Variants in BCL2L14 observed in about 807,000 individuals in gnomAD.
BCL2L14 encodes BCL2 like 14.
In BCL2L14, 27 loss-of-function variants were observed where a neutral mutation model predicts 35.3. That is an observed-to-expected ratio of 0.76 (90% CI 0.56 to 1.05). BCL2L14 has a LOEUF of 1.05. BCL2L14 is among the 50% of genes least tolerant of loss of function. The pLI, the probability that BCL2L14 is intolerant of heterozygous loss-of-function variation, is 0.00. For synonymous variants in BCL2L14, 139 were observed against 145.9 expected, an observed-to-expected ratio of 0.95 and a Z score of 0.34; for missense variants, 377 against 382.6, an observed-to-expected ratio of 0.99 and a Z score of 0.12.
intron 5 of BCL2L14, chr12:12,096,328 C>G: frequency 4.1e-6 from 1 of 244,200 alleles, no homozygotes; most frequent in Non-Finnish European, 6.5e-6. Context: ...CATAAATATG[C>G]TATTAAAAAG....
Position 12,087,124 on chromosome 12 carries a change from T to G in BCL2L14, c.434-89T>G. ...CAGGCAGTTTCCTTCTATTCTGGCC[T>G]GGTCTTTTCATTCCAGGCAACTTTG... is the stretch of plus-strand genomic sequence containing the variant. On this transcript the variant is annotated intron_variant, in intron 2 of 5. Transcript: ENST00000308721. 3 of 1,399,690 alleles carry G rather than the reference T, an allele frequency of 2.1e-6. No individual in the cohort carries two copies. In the Admixed American group the frequency reaches 5.7e-5, roughly 26 times the overall value. The allele number at this position is 1,399,690 out of a possible 1,614,324, so 86.7% of individuals were successfully genotyped here. A position where few individuals can be genotyped will look rare whatever the true frequency, so the allele number is the denominator to read the frequency against.
chr12:12,098,135 G>A (rs1272386495), intron 5 of BCL2L14, among the ~76,000 whole-genome samples: 1 of 152,128 alleles, frequency 6.6e-6, no homozygotes, highest in African/African-American at 2.4e-5. Flanking sequence ...GGATTGGGGC[G>A]TGTGCTCAGA....
At chr12:12,073,807 G>C (rs530306656) in intron 1 of BCL2L14, among the ~76,000 whole-genome samples, 1 of 152,258 alleles carries the variant, frequency 6.6e-6, no homozygotes, top group East Asian at 1.9e-4. Flanking sequence ...AGGAAGCCTT[G>C]AATCAAAAGC....
chr12:12,098,977 G>A lies in BCL2L14; in HGVS notation c.973G>A (p.Glu325Lys), dbSNP rs1949374350. 2 of 1,600,382 alleles carry A rather than the reference G, an allele frequency of 1.2e-6. No individual in the cohort carries two copies. The change falls in exon 6 of 6, where the codon GAA (glutamate) becomes AAA (lysine). Residue 325 changes from glutamate (E) to lysine (K), a missense_variant. Physicochemically the swap from Glu to Lys is moderately conservative, Grantham distance 56. Coordinates refer to ENST00000308721, the MANE Select transcript of BCL2L14 (RefSeq NM_138723.2). Reference sequence around the variant, plus strand: ...AAAAATACTTGGGATATCACATGAAGAAGTAGACTGAAATATCAGATTTGT... The same window carrying A: ...AAAAATACTTGGGATATCACATGAAAAAGTAGACTGAAATATCAGATTTGT... ...WEKILGISHE[E>K]VD
upstream of BCL2L14, among the ~76,000 whole-genome samples, chr12:12,067,954 GAC>G (rs1317423478): frequency 6.6e-6 from 1 of 150,992 alleles, no homozygotes; most frequent in Non-Finnish European, 1.5e-5. Flanking sequence ...TTTTTTTTGA[GAC>G]AGGGTCTGGC....
Position 12,087,253 on chromosome 12 carries a change from T to A in BCL2L14, c.474T>A (p.Ala158=). 6.2e-7 allele frequency: 1 copy of A among 1,614,176 alleles called. No individual in the cohort carries two copies. Among genetic ancestry groups the A allele is most frequent in the Non-Finnish European group, 8.5e-7 (1 of 1,180,014 alleles). Reference sequence around the variant, plus strand: ...TCATTTCCATTGCCAACCGAGTAGCTGAAATTGTTTACTCCTGGCCACCAC... The same window carrying A: ...TCATTTCCATTGCCAACCGAGTAGCAGAAATTGTTTACTCCTGGCCACCAC... ...PKVISIANRV[A]EIVYSWPPPQ... is the part of the protein sequence containing the mutation. The change falls in exon 3 of 6, where the codon GCT becomes GCA. Residue 158 remains alanine, a synonymous_variant. Coordinates refer to ENST00000308721, the MANE Select transcript of BCL2L14 (RefSeq NM_138723.2).
chr12:12,096,057 T>G lies in BCL2L14; in HGVS notation c.945+1127T>G, dbSNP rs919669010. 3 of 985,212 alleles carry G rather than the reference T, an allele frequency of 3.0e-6. No individual in the cohort carries two copies. The African/African-American group carries it at 5.2e-5, about 17-fold the overall frequency. 61.0% of individuals were successfully genotyped at this position (985,212 alleles called of 1,614,324 possible). ...GGATTCCTTCACCCCAACAACCCCCTTGAGCCCTCATCTGCCCCAAAGCCT... is the reference window on the plus strand; with the variant it reads ...GGATTCCTTCACCCCAACAACCCCCGTGAGCCCTCATCTGCCCCAAAGCCT... On this transcript the variant is annotated intron_variant, in intron 5 of 5. Transcript: ENST00000308721.
chr12:12,080,008 T>C (rs1048928249), intron 2 of BCL2L14, among the ~76,000 whole-genome samples: 12 of 151,816 alleles, frequency 7.9e-5, no homozygotes, highest in Admixed American at 7.9e-4. Flanking sequence ...ATTGAGACCA[T>C]CCTGGCTAAC....
chr12:12,098,614 A>T (rs998802458), intron 5 of BCL2L14, among the ~76,000 whole-genome samples: 3 of 152,140 alleles, frequency 2.0e-5, no homozygotes, highest in African/African-American at 7.2e-5. Flanking sequence ...AACCTCACCC[A>T]TTCTGTAGCA....
Position 12,094,728 on chromosome 12 carries a change from C to T in BCL2L14, c.743C>T (p.Thr248Ile). 9 of 1,614,200 alleles carry T rather than the reference C, an allele frequency of 5.6e-6. No individual in the cohort carries two copies. Among genetic ancestry groups the T allele is most frequent in the Non-Finnish European group, 7.6e-6 (9 of 1,180,036 alleles). Residue 248 changes from threonine to isoleucine, a missense_variant, in exon 5 of 6, where the codon ACC becomes ATC. Transcript: ENST00000308721. Reference sequence around the variant, plus strand: ...GGGCTGTCCTACTCTGTTTTCAAGACCATCACAGACCAGGTCCTAATGGGT... The same window carrying T: ...GGGCTGTCCTACTCTGTTTTCAAGATCATCACAGACCAGGTCCTAATGGGT... Reference protein sequence around the residue: ...QDGLSYSVFKTITDQVLMGVD... With the variant: ...QDGLSYSVFKIITDQVLMGVD...
At chr12:12,074,767 A>G (rs548514572) in intron 1 of BCL2L14, among the ~76,000 whole-genome samples, 11 of 152,234 alleles carry the variant, frequency 7.2e-5, no homozygotes, top group African/African-American at 2.4e-4. Flanking sequence ...TGGCAATGTT[A>G]CCACATTTAA....
intron 2 of BCL2L14, among the ~76,000 whole-genome samples, chr12:12,081,584 A>T (rs1379793409): frequency 6.9e-6 from 1 of 144,946 alleles, no homozygotes; most frequent in Non-Finnish European, 1.5e-5. Context: ...TTTTAGATGG[A>T]GTCTTGCTCT....
chr12:12,090,775 A>G lies in BCL2L14; in HGVS notation c.608-4A>G. 5 of 1,609,124 alleles carry G rather than the reference A, an allele frequency of 3.1e-6. No individual in the cohort carries two copies. The highest frequency in any genetic ancestry group is 4.2e-6 in the Non-Finnish European group (5 of 1,178,102). On this transcript the variant is annotated splice_polypyrimidine_tract_variant and splice_region_variant and intron_variant, in intron 3 of 5. Transcript: ENST00000308721. ...AAAGAAATAACTGGAATTTTCCCCG[A>G]CAGATGAAGAAGAACAAATACTAGC...
At chr12:12,058,578 C>G (rs892675562) in intron 2 of BCL2L14, among the ~76,000 whole-genome samples, 2 of 152,142 alleles carry the variant, frequency 1.3e-5, no homozygotes, top group African/African-American at 2.4e-5. Context: ...AAAGCTCCCC[C>G]ACTGAGTACC....
intron 3 of BCL2L14, among the ~76,000 whole-genome samples, chr12:12,090,197 C>T (rs953944868): frequency 2.0e-5 from 3 of 152,028 alleles, no homozygotes; most frequent in East Asian, 1.9e-4. Context: ...GTAACTACAG[C>T]GATGAATTTC....
At chr12:12,096,898 C>G (rs1345841669) in intron 5 of BCL2L14, among the ~76,000 whole-genome samples, 3 of 152,168 alleles carry the variant, frequency 2.0e-5, no homozygotes, top group Non-Finnish European at 4.4e-5. Context: ...AATCCCAGCA[C>G]TTTGGGAGGC....
Position 12,088,887 on chromosome 12 carries a change from A to G in BCL2L14, c.607+1501A>G, listed in dbSNP as rs1591832225. On this transcript the variant is annotated intron_variant, in intron 3 of 5. Coordinates refer to ENST00000308721, the MANE Select transcript of BCL2L14 (RefSeq NM_138723.2). ...GGAGGAGGCCTCTGAGTCTGCTAAAAAAAAACAGTGTGACATTTTATTACT... is the reference window on the plus strand; with the variant it reads ...GGAGGAGGCCTCTGAGTCTGCTAAAGAAAAACAGTGTGACATTTTATTACT... Among the ~76,000 whole-genome samples the G allele has an allele frequency of 3.3e-5, 5 of 152,034 alleles. No homozygotes were observed. In the South Asian group the frequency reaches 8.3e-4, roughly 25 times the overall value.
In BCL2L14 at chr12:12,098,971, C is replaced by A. The variant is rs758755829; in HGVS notation, c.967C>A (p.His323Asn). The change falls in exon 6 of 6, where the codon CAT (histidine) becomes AAT (asparagine). Residue 323 changes from histidine to asparagine, a missense_variant. His to Asn is a moderately conservative substitution (Grantham distance 68). Coordinates refer to ENST00000308721, the MANE Select transcript of BCL2L14 (RefSeq NM_138723.2). ...GGWEKILGIS[H>N]EEVD is the part of the protein sequence containing the mutation. The stretch of plus-strand genomic sequence containing the variant: ...CTAGGAAAAAATACTTGGGATATCA[C>A]ATGAAGAAGTAGACTGAAATATCAG... 3 of 1,599,912 alleles carry A rather than the reference C, an allele frequency of 1.9e-6. No homozygotes were observed. The African/African-American group carries it at 4.0e-5, about 21-fold the overall frequency.
upstream of BCL2L14, among the ~76,000 whole-genome samples, chr12:12,066,221 T>C (rs1948592448): frequency 6.6e-6 from 1 of 152,238 alleles, no homozygotes; most frequent in South Asian, 2.1e-4. Context: ...ATAGTGCTTC[T>C]CCTCTGCTCC....
Sources: allele counts gnomAD v4.1 joint callset (sites outside exome capture counted in the v4.1 genomes callset), GRCh38; gene constraint gnomAD v4.1.1; transcripts MANE v1.5; gene names NCBI Gene and HGNC (gene_info 2026-07-23, HGNC 2026-07-21).